HDAC9: variants seen among roughly 807,000 people sequenced by gnomAD.
The protein encoded by HDAC9 is histone deacetylase 9.
Under a neutral mutation model 139.4 loss-of-function variants are expected in HDAC9, and 41 were observed. The observed-to-expected ratio is 0.29, with a 90% CI of 0.23 to 0.38. The LOEUF is 0.38. Among genes scored for constraint, HDAC9 ranks in the 10% least tolerant of loss-of-function variants. The pLI is 1.00. For synonymous variants in HDAC9, 517 were observed against 476.2 expected (o/e 1.09, Z -1.12); for missense variants, 1,147 against 1,297.0 (o/e 0.88, Z 1.78).
At chr7:18,174,864 A>T (rs1788751569) in intron 2 of HDAC9, among the ~76,000 whole-genome samples, 1 of 152,126 alleles carries the variant, frequency 6.6e-6, no homozygotes, top group Non-Finnish European at 1.5e-5. Flanking sequence ...ATGAGGTGTC[A>T]TTCTGCCCCT....
intron 1 of HDAC9, among the ~76,000 whole-genome samples, chr7:18,326,851 G>T (rs1277982999): frequency 6.6e-6 from 1 of 151,920 alleles, no homozygotes; most frequent in South Asian, 2.1e-4. Flanking sequence ...GAATTCAGGG[G>T]AGAACTGATG....
chr7:18,548,596 A>G (rs747814699), intron 2 of HDAC9, among the ~76,000 whole-genome samples: 3 of 152,228 alleles, frequency 2.0e-5, no homozygotes, highest in Non-Finnish European at 2.9e-5. Flanking sequence ...AACCTTCACT[A>G]TGTAAAAAAA....
chr7:18,668,764 A>G (rs1795467011), intron 12 of HDAC9: 1 of 981,490 alleles, frequency 1.0e-6, no homozygotes, highest in African/African-American at 1.8e-5. Flanking sequence ...TTTGTGTTGT[A>G]AATATATTGT....
At chr7:18,123,811 T>G (rs1415514782) in intron 1 of HDAC9, among the ~76,000 whole-genome samples, 5 of 152,172 alleles carry the variant, frequency 3.3e-5, no homozygotes, top group African/African-American at 1.2e-4. Context: ...TCTCACATAA[T>G]AAGTCTAAAA....
chr7:18,675,433 T>C (rs1436519915), intron 12 of HDAC9, among the ~76,000 whole-genome samples: 1 of 152,096 alleles, frequency 6.6e-6, no homozygotes, highest in African/African-American at 2.4e-5. Context: ...GTTAAGGAAT[T>C]GTCAGCTTTA....
At chr7:18,264,697 G>A (rs1562810822) in intron 2 of HDAC9, among the ~76,000 whole-genome samples, 1 of 152,110 alleles carries the variant, frequency 6.6e-6, no homozygotes, top group Non-Finnish European at 1.5e-5. Context: ...AGACATTCTT[G>A]CCTATGCATA....
chr7:18,974,119 G>C (rs531520299), intron 24 of HDAC9, among the ~76,000 whole-genome samples: 3 of 152,206 alleles, frequency 2.0e-5, no homozygotes, highest in Non-Finnish European at 4.4e-5. Context: ...AAAACACAGA[G>C]ACTCCAGTCT....
intron 22 of HDAC9, among the ~76,000 whole-genome samples, chr7:18,913,194 T>C (rs967114228): frequency 2.0e-5 from 3 of 152,114 alleles, no homozygotes; most frequent in African/African-American, 7.2e-5. Context: ...CTCCAGTTCT[T>C]ATCCAAATAT....
At chr7:18,363,383 C>T (rs1160933342) in intron 1 of HDAC9, among the ~76,000 whole-genome samples, 1 of 152,112 alleles carries the variant, frequency 6.6e-6, no homozygotes, top group Non-Finnish European at 1.5e-5. Context: ...GAAACATACT[C>T]ATCCTAGAGA....
At chr7:18,775,934 T>TTTTG (rs1038064845) in intron 16 of HDAC9, among the ~76,000 whole-genome samples, 1 of 151,996 alleles carries the variant, frequency 6.6e-6, no homozygotes, top group African/African-American at 2.4e-5. Context: ...GCATCCAATT[T>TTTTG]TTTGTTTGTT....
At chr7:18,459,583 A>T (rs528005460) in intron 1 of HDAC9, among the ~76,000 whole-genome samples, 108 of 152,122 alleles carry the variant, frequency 7.1e-4, no homozygotes, top group Non-Finnish European at 1.4e-3. Flanking sequence ...CTTAGCCTTC[A>T]ATTTTTGCTC....
At chr7:18,641,323 A>G (rs7809331) in intron 8 of HDAC9, among the ~76,000 whole-genome samples, 7,249 of 152,070 alleles carry the variant, frequency 0.048, 550 homozygotes, top group African/African-American at 0.16. Flanking sequence ...CTACCCCAGC[A>G]CTTGGCCCAT....
At chr7:18,693,339 T>C (rs954432799) in intron 12 of HDAC9, among the ~76,000 whole-genome samples, 1 of 152,210 alleles carries the variant, frequency 6.6e-6, no homozygotes, top group African/African-American at 2.4e-5. Flanking sequence ...AGGAATTCTT[T>C]AATTATTAGA....
intron 25 of HDAC9, among the ~76,000 whole-genome samples, chr7:18,988,176 T>C (rs1785534901): frequency 6.6e-6 from 1 of 152,236 alleles, no homozygotes; most frequent in Non-Finnish European, 1.5e-5. Flanking sequence ...TTTGGATCTT[T>C]CCTGCTTTCT....
intron 24 of HDAC9, among the ~76,000 whole-genome samples, chr7:18,969,603 A>G (rs188549255): frequency 3.3e-5 from 5 of 152,348 alleles, no homozygotes; most frequent in Admixed American, 3.3e-4. Flanking sequence ...TGTACTTCCA[A>G]TATGAAGAGG....
intron 22 of HDAC9, among the ~76,000 whole-genome samples, chr7:18,880,850 G>A (rs540089738): frequency 9.3e-5 from 14 of 150,224 alleles, no homozygotes; most frequent in Admixed American, 7.3e-4. Flanking sequence ...TGCCGGGGGG[G>A]GGGGAACCAA....
intron 2 of HDAC9, among the ~76,000 whole-genome samples, chr7:18,500,968 A>C (rs1296912191): frequency 6.6e-6 from 1 of 152,134 alleles, no homozygotes; most frequent in Non-Finnish European, 1.5e-5. Context: ...TTAGAAATAG[A>C]AGAAAACAGA....
chr7:18,092,934 C>G (rs968222714), intron 1 of HDAC9, among the ~76,000 whole-genome samples: 1 of 152,138 alleles, frequency 6.6e-6, no homozygotes, highest in Non-Finnish European at 1.5e-5. Context: ...GCATGAAAGA[C>G]TTTTAAGGGA....
At chr7:18,093,545 G>A (rs1782306863) in intron 1 of HDAC9, among the ~76,000 whole-genome samples, 1 of 152,160 alleles carries the variant, frequency 6.6e-6, no homozygotes, top group Non-Finnish European at 1.5e-5. Flanking sequence ...GTCTCTCTTA[G>A]ATCTAAAAGT....
Sources: allele counts gnomAD v4.1 joint callset (sites outside exome capture counted in the v4.1 genomes callset), GRCh38; gene constraint gnomAD v4.1.1; transcripts MANE v1.5; gene names NCBI Gene and HGNC (gene_info 2026-07-23, HGNC 2026-07-21).